The following AGBL4 variants were observed in gnomAD, a reference collection of about 807,000 sequenced individuals.
AGBL4 encodes cytosolic carboxypeptidase 6.
AGBL4 carries 58 observed loss-of-function variants against 66.4 expected under a neutral mutation model. That is an observed-to-expected ratio of 0.87 (90% CI 0.71 to 1.09). AGBL4 has a LOEUF of 1.09. AGBL4 is among the 50% of genes least tolerant of loss of function. The pLI, the probability that AGBL4 is intolerant of heterozygous loss-of-function variation, is 0.00. For missense variants in AGBL4, 579 were observed against 631.0 expected, an observed-to-expected ratio of 0.92 and a Z score of 0.88; for synonymous variants, 234 against 222.9, an observed-to-expected ratio of 1.05 and a Z score of -0.44.
At chr1:48,707,837 G>A (rs1646904482) in intron 6 of AGBL4, among the ~76,000 whole-genome samples, 1 of 152,150 alleles carries the variant, frequency 6.6e-6, no homozygotes, top group African/African-American at 2.4e-5. Context: ...GCCTGACCGG[G>A]GTGATTTCTG....
At chr1:48,531,591 G>A (rs1188049007), downstream of AGBL4, among the ~76,000 whole-genome samples, 2 of 152,152 alleles carry the variant, frequency 1.3e-5, no homozygotes, top group African/African-American at 4.8e-5. Flanking sequence ...GCAGAAATCT[G>A]TCTTACTGAG....
chr1:49,899,501 A>C lies in AGBL4; in HGVS notation c.35-47983T>G, dbSNP rs540567244. On this transcript the variant is annotated intron_variant, in intron 1 of 13. Transcript: ENST00000371839. ...AAAGGACACTTACTATATATCCACAAAAAAAAAAAAGAAAACAAAAACTTA... is the reference window on the plus strand; with the variant it reads ...AAAGGACACTTACTATATATCCACACAAAAAAAAAAGAAAACAAAAACTTA... Among the ~76,000 whole-genome samples, 97 of 147,874 alleles carry C rather than the reference A, an allele frequency of 6.6e-4. 1 individual carries two copies. The South Asian group carries it at 0.016, about 24-fold the overall frequency.
At chr1:49,104,967 C>T (rs1645266940) in intron 4 of AGBL4, among the ~76,000 whole-genome samples, 1 of 152,188 alleles carries the variant, frequency 6.6e-6, no homozygotes, top group Non-Finnish European at 1.5e-5. Context: ...AATGGGCTAA[C>T]AGCAATCTGA....
At chr1:48,689,883 C>T (rs1300714634) in intron 6 of AGBL4, among the ~76,000 whole-genome samples, 1 of 152,236 alleles carries the variant, frequency 6.6e-6, no homozygotes, top group South Asian at 2.1e-4. Context: ...CCAGCCTGGG[C>T]GACAGAGTGA....
At chr1:49,594,489 T>G (rs980656276) in intron 3 of AGBL4, among the ~76,000 whole-genome samples, 1 of 152,170 alleles carries the variant, frequency 6.6e-6, no homozygotes, top group Non-Finnish European at 1.5e-5. Flanking sequence ...GCATTACATA[T>G]TTGTCCTAAT....
chr1:49,971,907 G>T (rs1268965630), intron 1 of AGBL4, among the ~76,000 whole-genome samples: 1 of 23,426 alleles, frequency 4.3e-5, no homozygotes, highest in Non-Finnish European at 7.9e-5. Flanking sequence ...GTTTTTTTGG[G>T]TTTTTTTTTT....
chr1:48,868,978 C>A (rs1010404446), intron 5 of AGBL4, among the ~76,000 whole-genome samples: 2 of 152,152 alleles, frequency 1.3e-5, no homozygotes, highest in Non-Finnish European at 2.9e-5. Context: ...GTCCTTTGTC[C>A]TTTACTCATA....
rs577057162 is a variant in AGBL4, at chr1:48,796,553, G to A, written c.634+70638C>T. ...GCACTGGAGGTTGTGGGGATCCAGA[G>A]TATCCATTTTCTCCCCAGCTTCTAA... On this transcript the variant is annotated intron_variant, in intron 6 of 13. Transcript: ENST00000371839. Among the ~76,000 whole-genome samples, 2 of 152,174 alleles carry A rather than the reference G, an allele frequency of 1.3e-5. 1 individual carries two copies. The highest frequency in any genetic ancestry group is 4.1e-4 in the South Asian group (2 of 4,836).
chr1:49,883,065 G>C (rs1037402705), intron 1 of AGBL4, among the ~76,000 whole-genome samples: 3 of 152,096 alleles, frequency 2.0e-5, no homozygotes, highest in Non-Finnish European at 4.4e-5. Context: ...CAAGTAAGGT[G>C]TAAACCAAGG....
chr1:49,311,492 A>T (rs1644940881), intron 3 of AGBL4, among the ~76,000 whole-genome samples: 1 of 152,066 alleles, frequency 6.6e-6, no homozygotes, highest in African/African-American at 2.4e-5. Context: ...CAGCTCCAAA[A>T]CATGATAAAA....
chr1:49,376,607 G>C (rs1318396752), intron 3 of AGBL4, among the ~76,000 whole-genome samples: 1 of 151,974 alleles, frequency 6.6e-6, no homozygotes, highest in Non-Finnish European at 1.5e-5. Flanking sequence ...ACTAATATTT[G>C]TAAACAGTCT....
At chr1:49,030,613 T>G (rs1396240025) in intron 5 of AGBL4, among the ~76,000 whole-genome samples, 1 of 151,818 alleles carries the variant, frequency 6.6e-6, no homozygotes, top group Non-Finnish European at 1.5e-5. Flanking sequence ...AAGGAAGGGA[T>G]CTAGGTTGTG....
At chr1:48,913,228 G>T (rs1653296085) in intron 5 of AGBL4, among the ~76,000 whole-genome samples, 1 of 152,152 alleles carries the variant, frequency 6.6e-6, no homozygotes, top group Non-Finnish European at 1.5e-5. Flanking sequence ...CTAAACTAGA[G>T]TGGTGGAGAG....
At chr1:49,289,046 G>A (rs1644484917) in intron 3 of AGBL4, among the ~76,000 whole-genome samples, 1 of 151,454 alleles carries the variant, frequency 6.6e-6, no homozygotes. Flanking sequence ...AGAGAGAGAG[G>A]AAGGAACCTG....
chr1:49,051,913 C>T (rs1282107302), intron 4 of AGBL4, among the ~76,000 whole-genome samples: 1 of 152,084 alleles, frequency 6.6e-6, no homozygotes, highest in African/African-American at 2.4e-5. Context: ...ATCAGATTAT[C>T]ATCTTATCAG....
At chr1:49,939,974 G>C (rs1654567172) in intron 1 of AGBL4, among the ~76,000 whole-genome samples, 1 of 152,064 alleles carries the variant, frequency 6.6e-6, no homozygotes, top group African/African-American at 2.4e-5. Context: ...CTAATATCCA[G>C]AATCTACAAT....
chr1:48,572,221 C>T lies in AGBL4; in HGVS notation c.1267+14783G>A, dbSNP rs576527758. 2.0e-5 allele frequency among the ~76,000 whole-genome samples: 3 copies of T among 152,156 alleles called. No homozygotes were observed. In the South Asian group the frequency reaches 6.3e-4, roughly 32 times the overall value. ...CTGTAAAAGGCACTGACACAGGTCC[C>T]CTCATTCAATCCTCAACATCAGTTA... is the stretch of plus-strand genomic sequence containing the variant. On this transcript the variant is annotated intron_variant, in intron 11 of 13. Coordinates refer to ENST00000371839, the MANE Select transcript of AGBL4 (RefSeq NM_032785.4).
chr1:48,768,180 C>CATG (rs10622727), intron 6 of AGBL4, among the ~76,000 whole-genome samples: 148,491 of 152,172 alleles, frequency 0.98, 72,544 homozygotes, highest in East Asian at 1. Flanking sequence ...GCACATGTAA[C>CATG]ATGAGTATGT....
At chr1:49,071,479 T>C (rs1024432414) in intron 4 of AGBL4, among the ~76,000 whole-genome samples, 1 of 151,998 alleles carries the variant, frequency 6.6e-6, no homozygotes, top group Non-Finnish European at 1.5e-5. Flanking sequence ...ACATCTTTAT[T>C]TCTGCCTTCA....
Sources: allele counts gnomAD v4.1 joint callset (sites outside exome capture counted in the v4.1 genomes callset), GRCh38; gene constraint gnomAD v4.1.1; transcripts MANE v1.5; gene names NCBI Gene and HGNC (gene_info 2026-07-23, HGNC 2026-07-21).